Variants in KIAA1217 observed in about 807,000 individuals in gnomAD.
KIAA1217 encodes the protein KIAA1217.
In KIAA1217, 88 loss-of-function variants were observed where a neutral mutation model predicts 163.9. The observed-to-expected ratio is 0.54, with a 90% CI of 0.45 to 0.64. The LOEUF (loss-of-function observed/expected upper bound fraction) is 0.64, where lower values mean the gene tolerates loss of function less well. Ranked by LOEUF, KIAA1217 falls within the 30% of genes least tolerant of loss-of-function variation. The pLI is 0.00. For missense variants in KIAA1217, 2,372 were observed against 2,475.0 expected (o/e 0.96, Z 0.88); for synonymous variants, 903 against 923.1 (o/e 0.98, Z 0.39).
At chr10:23,806,454 C>T (rs1373959036) in intron 1 of KIAA1217, among the ~76,000 whole-genome samples, 1 of 152,142 alleles carries the variant, frequency 6.6e-6, no homozygotes, top group African/African-American at 2.4e-5. Context: ...TCAGATTGTG[C>T]CCCAATGACT....
At chr10:24,507,442 C>T (rs2068520547) in intron 9 of KIAA1217, among the ~76,000 whole-genome samples, 1 of 152,008 alleles carries the variant, frequency 6.6e-6, no homozygotes, top group Non-Finnish European at 1.5e-5. Context: ...AAGACATGAA[C>T]ATAATGAGGA....
intron 2 of KIAA1217, among the ~76,000 whole-genome samples, chr10:24,305,667 T>G (rs929781551): frequency 6.6e-6 from 1 of 152,222 alleles, no homozygotes; most frequent in Non-Finnish European, 1.5e-5. Flanking sequence ...CTGTAACTGT[T>G]ACGTCTTACT....
chr10:24,071,645 C>T (rs1447317380), intron 2 of KIAA1217, among the ~76,000 whole-genome samples: 1 of 152,088 alleles, frequency 6.6e-6, no homozygotes, highest in Non-Finnish European at 1.5e-5. Context: ...CGGTTAAGTC[C>T]AGCCTAGTAT....
intron 2 of KIAA1217, among the ~76,000 whole-genome samples, chr10:24,138,271 C>G (rs1268605422): frequency 1.3e-5 from 2 of 152,118 alleles, no homozygotes; most frequent in African/African-American, 4.8e-5. Flanking sequence ...CCCCTTATCT[C>G]AGCCTCCCAA....
In KIAA1217 at chr10:23,947,627, G is replaced by A. The variant is rs189760300; in HGVS notation, c.-320-59598G>A. ...GACATCACAGGAGCAAACTGCAGTAGTGTTAAAATTATAAAATTGCCATTA... is the reference window on the plus strand; with the variant it reads ...GACATCACAGGAGCAAACTGCAGTAATGTTAAAATTATAAAATTGCCATTA... On this transcript the variant is annotated intron_variant, in intron 1 of 18. Transcript: ENST00000376462. Among the ~76,000 whole-genome samples the A allele has an allele frequency of 2.6e-5, 4 of 152,304 alleles. No homozygotes were observed. The East Asian group carries it at 7.7e-4, about 29-fold the overall frequency.
At chr10:23,951,764 C>G (rs182983939) in intron 1 of KIAA1217, among the ~76,000 whole-genome samples, 53 of 152,110 alleles carry the variant, frequency 3.5e-4, no homozygotes, top group Non-Finnish European at 6.9e-4. Flanking sequence ...GTGTCAAATC[C>G]CCTCCGCAAG....
intron 2 of KIAA1217, among the ~76,000 whole-genome samples, chr10:24,063,809 T>G (rs190611864): frequency 6.6e-6 from 1 of 152,210 alleles, no homozygotes; most frequent in African/African-American, 2.4e-5. Context: ...TATCCTCTTT[T>G]ATTTCATTGA....
chr10:24,211,302 T>A (rs1007576523), intron 1 of KIAA1217, among the ~76,000 whole-genome samples: 2 of 151,296 alleles, frequency 1.3e-5, no homozygotes, highest in African/African-American at 4.9e-5. Context: ...CATGAAACCA[T>A]TGTAAGGACT....
intron 1 of KIAA1217, among the ~76,000 whole-genome samples, chr10:23,841,359 A>C (rs948768536): frequency 4.6e-5 from 7 of 152,350 alleles, no homozygotes; most frequent in Admixed American, 2.6e-4. Flanking sequence ...GCAAGGCCTG[A>C]GTAACTGTCA....
chr10:24,186,959 C>T (rs1589823099), intron 2 of KIAA1217, among the ~76,000 whole-genome samples: 1 of 152,220 alleles, frequency 6.6e-6, no homozygotes, highest in African/African-American at 2.4e-5. Context: ...GTTCATTTTA[C>T]TCAGTTTCCT....
intron 2 of KIAA1217, among the ~76,000 whole-genome samples, chr10:24,095,001 A>C (rs2062093289): frequency 6.6e-6 from 1 of 152,164 alleles, no homozygotes. Context: ...CTGTGCTAGC[A>C]ATCAGTGAGA....
chr10:23,887,558 G>A (rs1240061583), intron 1 of KIAA1217, among the ~76,000 whole-genome samples: 1 of 151,642 alleles, frequency 6.6e-6, no homozygotes, highest in Non-Finnish European at 1.5e-5. Context: ...CACCAGCCTT[G>A]AGATTTTTTT....
intron 2 of KIAA1217, among the ~76,000 whole-genome samples, chr10:24,301,614 A>G (rs1590756268): frequency 6.6e-6 from 1 of 152,262 alleles, no homozygotes; most frequent in East Asian, 1.9e-4. Context: ...TCCCCAGATC[A>G]CTTCAGCTGA....
At chr10:23,737,196 C>G (rs965881835) in intron 1 of KIAA1217, among the ~76,000 whole-genome samples, 2 of 151,882 alleles carry the variant, frequency 1.3e-5, no homozygotes, top group Non-Finnish European at 1.5e-5. Flanking sequence ...TTCTACCAGA[C>G]TTACATTAAC....
At chr10:23,762,468 A>G (rs1260494954) in intron 1 of KIAA1217, among the ~76,000 whole-genome samples, 1 of 152,222 alleles carries the variant, frequency 6.6e-6, no homozygotes, top group Non-Finnish European at 1.5e-5. Context: ...CAACATACCC[A>G]AATCAATAAA....
intron 2 of KIAA1217, among the ~76,000 whole-genome samples, chr10:24,287,694 G>A (rs966631438): frequency 6.6e-6 from 1 of 152,090 alleles, no homozygotes. Flanking sequence ...GTGGCTTAAC[G>A]TTTATAAAGA....
intron 2 of KIAA1217, among the ~76,000 whole-genome samples, chr10:24,036,014 A>G (rs1467890549): frequency 6.6e-6 from 1 of 152,200 alleles, no homozygotes; most frequent in Non-Finnish European, 1.5e-5. Context: ...TACCAGGTAG[A>G]GCTGCTCATT....
chr10:24,032,324 A>G (rs1294675145), intron 2 of KIAA1217, among the ~76,000 whole-genome samples: 3 of 152,104 alleles, frequency 2.0e-5, no homozygotes, highest in African/African-American at 7.2e-5. Flanking sequence ...CAGTGGTGCA[A>G]TCATGGCCCA....
intron 2 of KIAA1217, among the ~76,000 whole-genome samples, chr10:24,199,764 C>T (rs1266331480): frequency 6.6e-6 from 1 of 152,110 alleles, no homozygotes; most frequent in Non-Finnish European, 1.5e-5. Flanking sequence ...ATTCTGTAAA[C>T]TGACCACGTG....
Sources: gnomAD v4.1 joint callset for allele counts (sites outside exome capture counted in the v4.1 genomes callset) on GRCh38, gnomAD v4.1.1 for gene constraint, MANE v1.5 for transcripts, NCBI Gene and HGNC (gene_info 2026-07-23, HGNC 2026-07-21) for gene names.